The following TAFA5 variants were observed in gnomAD, a reference collection of about 807,000 sequenced individuals.
TAFA5 encodes TAFA chemokine like family member 5, also known as chemokine-like protein TAFA-5.
TAFA5 carries 6 observed loss-of-function variants against 15.3 expected under a neutral mutation model. The ratio of observed to expected loss-of-function variants is 0.39; its 90% confidence interval spans 0.21 to 0.77. The LOEUF (loss-of-function observed/expected upper bound fraction) is 0.77. Among genes scored for constraint, TAFA5 ranks in the 30% least tolerant of loss-of-function variants. TAFA5 has a pLI of 0.41. For missense variants in TAFA5, 161 were observed against 193.1 expected, an observed-to-expected ratio of 0.83 and a Z score of 0.98; for synonymous variants, 103 against 80.7, an observed-to-expected ratio of 1.28 and a Z score of -1.48.
At chr22:48,661,513 A>G (rs11204494) in intron 2 of TAFA5, among the ~76,000 whole-genome samples, 43,688 of 152,132 alleles carry the variant, frequency 0.29, 6,811 homozygotes, top group African/African-American at 0.41. Context: ...GCGTGTTTCC[A>G]GTCAGTAGTC....
At chr22:48,600,064 C>G (rs1176595322) in intron 1 of TAFA5, among the ~76,000 whole-genome samples, 1 of 152,218 alleles carries the variant, frequency 6.6e-6, no homozygotes, top group Non-Finnish European at 1.5e-5. Flanking sequence ...TCTGCCAGAC[C>G]TTGAGATTCC....
chr22:48,749,179 C>A (rs1930410601), intron 3 of TAFA5, among the ~76,000 whole-genome samples: 1 of 152,176 alleles, frequency 6.6e-6, no homozygotes, highest in South Asian at 2.1e-4. Context: ...ACCAGAAACC[C>A]CTAGGGGGCC....
intron 1 of TAFA5, among the ~76,000 whole-genome samples, chr22:48,581,655 A>G (rs1312162251): frequency 1.3e-5 from 2 of 152,126 alleles, no homozygotes; most frequent in Non-Finnish European, 2.9e-5. Flanking sequence ...CCTTCTTGGA[A>G]GGGTTCACTG....
At chr22:48,706,995 G>T (rs1929098141) in intron 2 of TAFA5, among the ~76,000 whole-genome samples, 1 of 152,206 alleles carries the variant, frequency 6.6e-6, no homozygotes, top group Admixed American at 6.5e-5. Flanking sequence ...GTTAATGTGG[G>T]CTTCAGAGTC....
chr22:48,571,884 A>G (rs1054877567), intron 1 of TAFA5, among the ~76,000 whole-genome samples: 1 of 151,912 alleles, frequency 6.6e-6, no homozygotes, highest in South Asian at 2.1e-4. Context: ...ATTTGATTTT[A>G]CTTTCCACAG....
chr22:48,513,724 G>C (rs1921306976), intron 1 of TAFA5, among the ~76,000 whole-genome samples: 1 of 152,210 alleles, frequency 6.6e-6, no homozygotes, highest in Non-Finnish European at 1.5e-5. Context: ...GCCGTGCCTT[G>C]CTCTGCTCCA....
chr22:48,570,894 A>G (rs1923559496), intron 1 of TAFA5, among the ~76,000 whole-genome samples: 1 of 152,202 alleles, frequency 6.6e-6, no homozygotes, highest in African/African-American at 2.4e-5. Flanking sequence ...CCTGTTGGAG[A>G]TTCTTTCAAG....
chr22:48,576,135 G>A (rs1923783861), intron 1 of TAFA5, among the ~76,000 whole-genome samples: 1 of 143,178 alleles, frequency 7.0e-6, no homozygotes, highest in African/African-American at 2.5e-5. Context: ...CGGCGGGGCT[G>A]ATTCATGGGG....
intron 1 of TAFA5, among the ~76,000 whole-genome samples, chr22:48,553,607 C>G (rs1020369792): frequency 1.3e-5 from 2 of 152,166 alleles, no homozygotes. Flanking sequence ...CTGTCCTTGA[C>G]TCTGTCCCCC....
intron 2 of TAFA5, among the ~76,000 whole-genome samples, chr22:48,661,542 C>T (rs551499266): frequency 2.6e-5 from 4 of 152,338 alleles, no homozygotes; most frequent in Admixed American, 2.0e-4. Context: ...TGCTCATCTC[C>T]CTGGGTTCAG....
At chr22:48,734,154 G>C (rs9628523) in intron 3 of TAFA5, among the ~76,000 whole-genome samples, 9,346 of 152,184 alleles carry the variant, frequency 0.061, 784 homozygotes, top group African/African-American at 0.19. Context: ...GAAAACTATT[G>C]ATCACAGCAG....
At chr22:48,735,483 G>A (rs1490637962) in intron 3 of TAFA5, among the ~76,000 whole-genome samples, 2 of 152,106 alleles carry the variant, frequency 1.3e-5, no homozygotes, top group Non-Finnish European at 2.9e-5. Context: ...TGTCAAGAAG[G>A]GCGACCAAAA....
chr22:48,502,015 A>G (rs1237362034), intron 1 of TAFA5, among the ~76,000 whole-genome samples: 1 of 152,186 alleles, frequency 6.6e-6, no homozygotes, highest in East Asian at 1.9e-4. Context: ...GGGCCGGTGA[A>G]TACTGTCTGT....
At chr22:48,724,670 C>T (rs1218437779) in intron 3 of TAFA5, among the ~76,000 whole-genome samples, 1 of 147,240 alleles carries the variant, frequency 6.8e-6, no homozygotes, top group Non-Finnish European at 1.5e-5. Context: ...GGAGTGGAAG[C>T]CCGTGCCTTA....
intron 1 of TAFA5, among the ~76,000 whole-genome samples, chr22:48,529,095 T>G (rs930749872): frequency 6.6e-6 from 1 of 152,080 alleles, no homozygotes; most frequent in Non-Finnish European, 1.5e-5. Context: ...ACCTTCACAT[T>G]TGAGAACTCG....
At chr22:48,701,291 T>C (rs1476705950) in intron 2 of TAFA5, among the ~76,000 whole-genome samples, 9 of 152,124 alleles carry the variant, frequency 5.9e-5, no homozygotes, top group Non-Finnish European at 1.0e-4. Context: ...CAGCTGTGTC[T>C]AGAGCTGTAG....
intron 3 of TAFA5, among the ~76,000 whole-genome samples, chr22:48,733,501 C>A (rs1485163691): frequency 6.6e-6 from 1 of 152,210 alleles, no homozygotes; most frequent in Non-Finnish European, 1.5e-5. Flanking sequence ...TTGGACGTTC[C>A]GGCAAATGCA....
intron 1 of TAFA5, among the ~76,000 whole-genome samples, chr22:48,605,340 T>C (rs796233515): frequency 7.1e-6 from 1 of 141,410 alleles, no homozygotes; most frequent in Non-Finnish European, 1.6e-5. Context: ...GTGATGATGG[T>C]GATGGCGATG....
chr22:48,557,859 C>T (rs989484647), intron 1 of TAFA5, among the ~76,000 whole-genome samples: 9 of 152,240 alleles, frequency 5.9e-5, no homozygotes, highest in Non-Finnish European at 8.8e-5. Flanking sequence ...GGCAATGTCC[C>T]CTGAAAATGG....
Sources: allele counts gnomAD v4.1 joint callset (sites outside exome capture counted in the v4.1 genomes callset), GRCh38; gene constraint gnomAD v4.1.1; transcripts MANE v1.5; gene names NCBI Gene and HGNC (gene_info 2026-07-23, HGNC 2026-07-21).